Variants in TDP1 observed in about 807,000 individuals in gnomAD.
The protein encoded by TDP1 is tyrosyl-DNA phosphodiesterase 1, also known as tyr-DNA phosphodiesterase 1.
TDP1 carries 64 observed loss-of-function variants against 81.5 expected under a neutral mutation model. The ratio of observed to expected loss-of-function variants is 0.79; its 90% CI spans 0.64 to 0.97. The LOEUF is 0.97. Ranked by LOEUF, TDP1 falls within the 50% of genes least tolerant of loss-of-function variation. The probability of loss-of-function intolerance (pLI) is 0.00; values close to 1 mark genes in which losing one functional copy is unlikely to be tolerated. For synonymous variants in TDP1, 256 were observed against 264.3 expected, an observed-to-expected ratio of 0.97 and a Z score of 0.30; for missense variants, 723 against 743.8, an observed-to-expected ratio of 0.97 and a Z score of 0.33.
intron 7 of TDP1, chr14:89,980,022 A>G (rs957606683): frequency 7.0e-6 from 2 of 287,140 alleles, no homozygotes; most frequent in African/African-American, 4.6e-5. Context: ...ATTTCAACTC[A>G]TAATAAGAAA....
At chr14:89,980,021 CATAAT>C (rs1894796900) in intron 7 of TDP1, 1 of 286,586 alleles carries the variant, frequency 3.5e-6, no homozygotes, top group Admixed American at 6.5e-5. Context: ...AATTTCAACT[CATAAT>C]AAGAAATACA....
intron 14 of TDP1, among the ~76,000 whole-genome samples, chr14:90,001,248 C>T (rs547228200): frequency 2.5e-4 from 38 of 152,172 alleles, no homozygotes; most frequent in African/African-American, 8.4e-4. Flanking sequence ...TTTAATCTTC[C>T]CTTTTATTAT....
chr14:90,012,542 T>G (rs1884830564), intron 14 of TDP1, among the ~76,000 whole-genome samples: 1 of 151,930 alleles, frequency 6.6e-6, no homozygotes, highest in Non-Finnish European at 1.5e-5. Context: ...CTCTGAAATG[T>G]AGGTAGAGTT....
Position 90,034,516 on chromosome 14 carries a change from G to A in TDP1, c.1753+1302G>A, listed in dbSNP as rs145672085. On this transcript the variant is annotated intron_variant, in intron 16 of 16. Coordinates refer to ENST00000335725, the MANE Select transcript of TDP1 (RefSeq NM_018319.4). ...GTGTACCCACCTATGTCTGGCCTGCGTGTGTCCCAGCCTCACAGGCTGCTC... is the reference window on the plus strand; with the variant it reads ...GTGTACCCACCTATGTCTGGCCTGCATGTGTCCCAGCCTCACAGGCTGCTC... Among the ~76,000 whole-genome samples the A allele has an allele frequency of 2.6e-5, 4 of 152,312 alleles. No individual in the cohort carries two copies. The East Asian group carries it at 5.8e-4, about 22-fold the overall frequency.
At chr14:89,958,718 T>C (rs1444697550) in intron 2 of TDP1, among the ~76,000 whole-genome samples, 1 of 152,208 alleles carries the variant, frequency 6.6e-6, no homozygotes, top group Non-Finnish European at 1.5e-5. Context: ...GTCCGTGGAT[T>C]TACCCAACAC....
intron 14 of TDP1, among the ~76,000 whole-genome samples, chr14:89,999,852 C>A (rs73326498): frequency 6.6e-6 from 1 of 152,212 alleles, no homozygotes; most frequent in East Asian, 1.9e-4. Flanking sequence ...AATAGACATT[C>A]TTTGTTTCCA....
chr14:89,978,971 T>C (rs1252356806), intron 7 of TDP1, among the ~76,000 whole-genome samples: 2 of 150,772 alleles, frequency 1.3e-5, no homozygotes, highest in Admixed American at 6.6e-5. Flanking sequence ...CTTTTTCTTA[T>C]CTTTTTATGA....
chr14:90,008,677 G>C (rs1450153239), intron 14 of TDP1, among the ~76,000 whole-genome samples: 1 of 152,122 alleles, frequency 6.6e-6, no homozygotes, highest in Non-Finnish European at 1.5e-5. Flanking sequence ...TTTTATGCTT[G>C]TTTCATTATT....
upstream of TDP1, chr14:89,955,846 T>C (rs992420860): frequency 6.6e-6 from 1 of 152,550 alleles, no homozygotes; most frequent in South Asian, 2.1e-4. Flanking sequence ...CGGTGGGCTC[T>C]CCGGAAGGGG....
At chr14:90,004,488 A>G (rs1897471231) in intron 14 of TDP1, among the ~76,000 whole-genome samples, 1 of 152,190 alleles carries the variant, frequency 6.6e-6, no homozygotes, top group African/African-American at 2.4e-5. Flanking sequence ...TACTGCTACT[A>G]TCCCCATTTT....
chr14:90,036,250 A>G lies in TDP1; in HGVS notation c.1753+3036A>G, dbSNP rs1042001160. On this transcript the variant is annotated intron_variant, in intron 16 of 16. Transcript: ENST00000335725. ...ACTGTTTTGTCCTCTACACTGCCTC[A>G]GTTGCATGTAGGATAATGCTAGTAA... Among the ~76,000 whole-genome samples, 16 of 152,338 alleles carry G rather than the reference A, an allele frequency of 1.1e-4. No individual in the cohort carries two copies. The South Asian group carries it at 2.5e-3, about 24-fold the overall frequency.
At chr14:90,022,951 C>G (rs906470799) in intron 15 of TDP1, 1 of 727,130 alleles carries the variant, frequency 1.4e-6, no homozygotes, top group African/African-American at 1.7e-5. Context: ...AGGCTCCTAC[C>G]TGGACGTTCC....
rs1270772689 is a variant in TDP1, at chr14:90,044,246, A to G, written c.*1103A>G. The G allele has an allele frequency of 1.3e-5, 2 of 152,220 alleles. No homozygotes were observed. The highest frequency in any genetic ancestry group is 2.4e-5 in the African/African-American group (1 of 41,456). The allele number at this position is 152,220 out of a possible 1,614,324, so 9.4% of individuals were successfully genotyped here. On this transcript the variant is annotated 3_prime_UTR_variant, in exon 17 of 17. Coordinates refer to ENST00000335725, the MANE Select transcript of TDP1 (RefSeq NM_018319.4). ...AAAAGCACACAAGTATTTTGGGAAA[A>G]AATCCTAAAAGGTGACTTAATTTGA...
At chr14:90,024,855 C>G (rs747858214) in intron 15 of TDP1, among the ~76,000 whole-genome samples, 15 of 152,142 alleles carry the variant, frequency 9.9e-5, no homozygotes, top group Non-Finnish European at 1.9e-4. Flanking sequence ...TGTTCAGTAC[C>G]AGCAAGACAT....
At chr14:89,997,678 G>A (rs1896759148) in intron 14 of TDP1, among the ~76,000 whole-genome samples, 1 of 152,166 alleles carries the variant, frequency 6.6e-6, no homozygotes, top group Non-Finnish European at 1.5e-5. Context: ...TACATATCAG[G>A]TGGGCTTTTC....
chr14:90,041,221 A>C (rs1346159634), intron 16 of TDP1, among the ~76,000 whole-genome samples: 1 of 152,208 alleles, frequency 6.6e-6, no homozygotes, highest in Non-Finnish European at 1.5e-5. Context: ...TTCCAGTGGA[A>C]GAGAGCAAGG....
chr14:89,985,202 C>T lies in TDP1; in HGVS notation c.1123C>T (p.Leu375Phe), dbSNP rs1895417734. ...AAAAGATAATTGGGGACATTTTAGA[C>T]TTAAGAAGGTAACAGAACTTTTACT... Reference protein sequence around the residue: ...SQKDNWGHFRLKKLLKDHASS... With the variant: ...SQKDNWGHFRFKKLLKDHASS... Residue 375 changes from leucine to phenylalanine, a missense_variant, in exon 10 of 17, where the codon CTT becomes TTT. By Grantham distance (22) the Leu-to-Phe change is conservative. Transcript: ENST00000335725. The T allele has an allele frequency of 1.2e-6, 2 of 1,601,996 alleles. No individual in the cohort carries two copies. The highest frequency in any genetic ancestry group is 1.7e-6 in the Non-Finnish European group (2 of 1,171,436).
chr14:89,964,864 G>A (rs1892756506), intron 3 of TDP1: 1 of 448,598 alleles, frequency 2.2e-6, no homozygotes, highest in African/African-American at 2.0e-5. Context: ...AGTCTTATGA[G>A]TAGATGTTAC....
chr14:89,974,530 G>A (rs748488518), intron 6 of TDP1, among the ~76,000 whole-genome samples: 11 of 152,142 alleles, frequency 7.2e-5, no homozygotes, highest in Non-Finnish European at 1.2e-4. Context: ...TATTCCAGTC[G>A]CCCATTACTG....
Sources: gnomAD v4.1 joint callset for allele counts (sites outside exome capture counted in the v4.1 genomes callset) on GRCh38, gnomAD v4.1.1 for gene constraint, MANE v1.5 for transcripts, NCBI Gene and HGNC (gene_info 2026-07-23, HGNC 2026-07-21) for gene names.